Variants in SIK3 observed in about 807,000 individuals in gnomAD.
The protein encoded by SIK3 is SIK family kinase 3.
In SIK3, 28 loss-of-function variants were observed where a neutral mutation model predicts 144.2. The observed-to-expected ratio is 0.19, with a 90% CI of 0.14 to 0.27. The LOEUF is 0.27. Ranked by LOEUF, SIK3 falls within the 10% of genes least tolerant of loss-of-function variation. The probability of loss-of-function intolerance (pLI) is 1.00; values close to 1 mark genes in which losing one functional copy is unlikely to be tolerated. For missense variants in SIK3, 1,319 were observed against 1,776.0 expected, an observed-to-expected ratio of 0.74 and a Z score of 4.62; for synonymous variants, 686 against 676.3, an observed-to-expected ratio of 1.01 and a Z score of -0.22.
In SIK3 at chr11:117,050,930, T is replaced by C. The variant is rs140663244; in HGVS notation, c.273+47213A>G. On this transcript the variant is annotated intron_variant, in intron 1 of 24. Transcript: ENST00000445177. ...GTCAGACTGCAGAAGAGTCCTGTGA[T>C]GGTTAATTTTATGTGCCAAGTTGAC... Among the ~76,000 whole-genome samples the C allele has an allele frequency of 2.1e-3, 313 of 152,164 alleles. 3 individuals carry two copies. The highest frequency in any genetic ancestry group is 7.1e-3 in the African/African-American group (293 of 41,516).
Position 116,859,222 on chromosome 11 carries a change from G to A in SIK3, c.2765+43C>T. On this transcript the variant is annotated intron_variant, in intron 20 of 24. Coordinates refer to ENST00000445177, the MANE Select transcript of SIK3 (RefSeq NM_001366686.3). ...TCTGCTAAGGGGCTTCCTCCCACCT[G>A]GATCCCATGCATAGATGGCTGGGTG... 12 of 1,552,354 alleles carry A rather than the reference G, an allele frequency of 7.7e-6. No homozygotes were observed. The Middle Eastern group carries it at 1.2e-3, about 157-fold the overall frequency.
At chr11:116,999,602 T>C (rs1950783339) in intron 1 of SIK3, among the ~76,000 whole-genome samples, 1 of 152,148 alleles carries the variant, frequency 6.6e-6, no homozygotes, top group Non-Finnish European at 1.5e-5. Flanking sequence ...TTCTTTTCTT[T>C]TTTGTTTTTT....
intron 1 of SIK3, among the ~76,000 whole-genome samples, chr11:117,043,853 A>T (rs1470575564): frequency 6.6e-6 from 1 of 152,252 alleles, no homozygotes; most frequent in Non-Finnish European, 1.5e-5. Flanking sequence ...ACGATGTTTT[A>T]TTCACCTTTA....
rs191330880 is a variant in SIK3, at chr11:116,911,276, G to A, written c.617-13959C>T. On this transcript the variant is annotated intron_variant, in intron 4 of 24. Transcript: ENST00000445177. The stretch of plus-strand genomic sequence containing the variant: ...TAATCCCAGCACTTTGGGAGGCCGA[G>A]GCAGGTGGATCACCTGAGGTCAGGA... 8.3e-4 allele frequency among the ~76,000 whole-genome samples: 127 copies of A among 152,348 alleles called. 5 individuals carry two copies. In the East Asian group the frequency reaches 0.021, roughly 26 times the overall value.
chr11:117,065,249 C>T (rs1170200885), intron 1 of SIK3, among the ~76,000 whole-genome samples: 3 of 151,634 alleles, frequency 2.0e-5, no homozygotes. Context: ...GGTTTCTTCC[C>T]TTGTTCTGAT....
chr11:116,855,083 CAAAAAAA>C (rs528405922), intron 21 of SIK3, among the ~76,000 whole-genome samples: 42,611 of 81,464 alleles, frequency 0.52, 10,128 homozygotes, highest in Non-Finnish European at 0.61. Context: ...GAGACTCTGC[CAAAAAAA>C]AAAAAAAAAA....
chr11:116,969,727 G>T (rs1340934961), intron 1 of SIK3, among the ~76,000 whole-genome samples: 1 of 152,068 alleles, frequency 6.6e-6, no homozygotes, highest in African/African-American at 2.4e-5. Context: ...TTTTCCTTCT[G>T]AACAAAATCA....
chr11:117,071,129 T>C (rs1391273213), intron 1 of SIK3, among the ~76,000 whole-genome samples: 1 of 151,586 alleles, frequency 6.6e-6, no homozygotes, highest in Non-Finnish European at 1.5e-5. Flanking sequence ...CAAGAGCTAC[T>C]AGTAACTTCA....
chr11:117,041,439 T>A (rs988666662), intron 1 of SIK3, among the ~76,000 whole-genome samples: 1 of 152,158 alleles, frequency 6.6e-6, no homozygotes, highest in African/African-American at 2.4e-5. Flanking sequence ...AAAACTAATT[T>A]TGTCCACTCT....
chr11:116,875,631 G>C (rs1178385461), intron 9 of SIK3, 180 bp from the exon 10 acceptor site: 2 of 801,004 alleles, frequency 2.5e-6, no homozygotes, highest in Non-Finnish European at 1.9e-6. Flanking sequence ...ATCGCCTCAT[G>C]ATTTGCTATT....
In SIK3 at chr11:116,859,598, G is replaced by A. The variant is rs1395376074; in HGVS notation, c.2432C>T (p.Ala811Val). ...SSAMIQPHGA[A>V]SSSQFQGLPS... ...TAAGCCTTGAAACTGGGAAGAAGATGCAGCCCCTGGAGAGAAAGGAACCTC... is the reference window on the plus strand; with the variant it reads ...TAAGCCTTGAAACTGGGAAGAAGATACAGCCCCTGGAGAGAAAGGAACCTC... Residue 811 changes from alanine to valine, a missense_variant, in exon 20 of 25, where the codon GCA becomes GTA. By Grantham distance (64) the Ala-to-Val change is moderately conservative. Transcript: ENST00000445177. The A allele has an allele frequency of 6.2e-7, 1 of 1,613,362 alleles. No homozygotes were observed. The highest frequency in any genetic ancestry group is 1.3e-5 in the African/African-American group (1 of 74,902).
chr11:116,959,744 G>T (rs1352134506), intron 1 of SIK3, among the ~76,000 whole-genome samples: 1 of 152,138 alleles, frequency 6.6e-6, no homozygotes, highest in Admixed American at 6.5e-5. Context: ...ACACAATCAC[G>T]TGGGTAGATA....
intron 1 of SIK3, among the ~76,000 whole-genome samples, chr11:116,965,761 AT>A (rs1565507660): frequency 0.014 from 1,177 of 85,368 alleles, 80 homozygotes; most frequent in African/African-American, 0.064. Context: ...ATATATATAT[AT>A]ATATATATAT....
intron 3 of SIK3, among the ~76,000 whole-genome samples, chr11:116,948,693 A>G (rs1187222160): frequency 1.3e-5 from 2 of 152,022 alleles, no homozygotes; most frequent in African/African-American, 2.4e-5. Context: ...AGATCTGTCA[A>G]TGTTGTCGAT....
At chr11:117,045,405 G>C (rs1425113235) in intron 1 of SIK3, among the ~76,000 whole-genome samples, 1 of 152,116 alleles carries the variant, frequency 6.6e-6, no homozygotes, top group African/African-American at 2.4e-5. Flanking sequence ...TTTCACTTTA[G>C]CTCCATAAGG....
intron 1 of SIK3, among the ~76,000 whole-genome samples, chr11:117,048,645 A>G (rs1001473901): frequency 6.6e-6 from 1 of 151,872 alleles, no homozygotes; most frequent in Non-Finnish European, 1.5e-5. Flanking sequence ...AATAAGAGCG[A>G]AACTCCGTCT....
intron 1 of SIK3, among the ~76,000 whole-genome samples, chr11:117,001,896 GTCCACCTAAAAAAAGAAAAAT>G (rs1411665482): frequency 2.6e-5 from 4 of 152,040 alleles, no homozygotes; most frequent in Admixed American, 2.6e-4. Flanking sequence ...GATTCTATCT[GTCCACCTAAAAAAAGAAAAAT>G]CAGAAGTTCC....
intron 3 of SIK3, chr11:116,950,015 G>A (rs1025228212): frequency 2.3e-6 from 1 of 443,510 alleles, no homozygotes; most frequent in Admixed American, 2.5e-5. Context: ...ATGGAGAGCG[G>A]GGGAGGACAG....
At chr11:116,878,628 C>T (rs1350368384) in intron 6 of SIK3, among the ~76,000 whole-genome samples, 1 of 152,224 alleles carries the variant, frequency 6.6e-6, no homozygotes, top group African/African-American at 2.4e-5. Context: ...GATCCGCCTG[C>T]CTCAGCCTCC....
Sources: allele counts gnomAD v4.1 joint callset (sites outside exome capture counted in the v4.1 genomes callset), GRCh38; gene constraint gnomAD v4.1.1; transcripts MANE v1.5; gene names NCBI Gene and HGNC (gene_info 2026-07-23, HGNC 2026-07-21).